Variants in GAS2 observed in about 807,000 individuals in gnomAD.
GAS2 encodes growth arrest specific 2, also known as growth arrest-specific protein 2.
A neutral mutation model predicts 37.5 loss-of-function variants in GAS2; 20 were observed. That is an observed-to-expected ratio of 0.53 (90% CI 0.37 to 0.77). The LOEUF is 0.77. GAS2 is among the 30% of genes least tolerant of loss of function. The probability of loss-of-function intolerance (pLI) is 0.00; values close to 1 mark genes in which losing one functional copy is unlikely to be tolerated. For synonymous variants in GAS2, 144 were observed against 132.2 expected, an observed-to-expected ratio of 1.09 and a Z score of -0.61; for missense variants, 336 against 373.4, an observed-to-expected ratio of 0.90 and a Z score of 0.82.
intron 2 of GAS2, among the ~76,000 whole-genome samples, chr11:22,681,824 TTATATTA>T (rs1268963378): frequency 7.4e-6 from 1 of 135,554 alleles, no homozygotes; most frequent in Non-Finnish European, 1.6e-5. Flanking sequence ...TCAGCTACTT[TTATATTA>T]TATTTTTTTG....
intron 3 of GAS2, among the ~76,000 whole-genome samples, chr11:22,699,158 A>G (rs916395262): frequency 6.6e-6 from 1 of 152,140 alleles, no homozygotes; most frequent in Non-Finnish European, 1.5e-5. Context: ...TATTTTTCTG[A>G]GTCCTGACAA....
chr11:22,797,624 T>C (rs1856492677), intron 7 of GAS2, among the ~76,000 whole-genome samples: 1 of 152,030 alleles, frequency 6.6e-6, no homozygotes, highest in Non-Finnish European at 1.5e-5. Context: ...AACCACTATT[T>C]CTCTATCCAG....
intron 3 of GAS2, among the ~76,000 whole-genome samples, chr11:22,715,460 C>CAAAAAAAAAAAAA: frequency 7.2e-4 from 30 of 41,730 alleles, no homozygotes; most frequent in South Asian, 1.4e-3. Context: ...GACTCTGTCT[C>CAAAAAAAAAAAAA]AAAAAAAAAA....
At chr11:22,734,624 T>C (rs763041975) in intron 4 of GAS2, among the ~76,000 whole-genome samples, 12 of 151,726 alleles carry the variant, frequency 7.9e-5, no homozygotes, top group Non-Finnish European at 1.5e-4. Flanking sequence ...AAAACTATCA[T>C]TGGGCTGTTA....
intron 1 of GAS2, among the ~76,000 whole-genome samples, chr11:22,628,911 T>G (rs1858703999): frequency 6.6e-6 from 1 of 152,192 alleles, no homozygotes; most frequent in Non-Finnish European, 1.5e-5. Flanking sequence ...CTGAGTTACT[T>G]CACTTAGAAT....
At chr11:22,715,890 A>T (rs1182351200) in intron 3 of GAS2, among the ~76,000 whole-genome samples, 1 of 151,946 alleles carries the variant, frequency 6.6e-6, no homozygotes, top group Non-Finnish European at 1.5e-5. Flanking sequence ...GAACATAACA[A>T]AAAAAAAGAA....
intron 7 of GAS2, among the ~76,000 whole-genome samples, chr11:22,789,104 A>G (rs1427942342): frequency 6.6e-6 from 1 of 150,904 alleles, no homozygotes; most frequent in Admixed American, 6.6e-5. Flanking sequence ...ATAATTATAT[A>G]TATAATTATC....
chr11:22,682,892 A>AAAAAAAAAAAAAAAG (rs1849761194), intron 2 of GAS2, among the ~76,000 whole-genome samples: 1 of 60,962 alleles, frequency 1.6e-5, no homozygotes, highest in African/African-American at 9.8e-5. Context: ...AAAAAGGAAA[A>AAAAAAAAAAAAAAAG]AAAAAAAAAA....
intron 4 of GAS2, among the ~76,000 whole-genome samples, chr11:22,727,058 G>T (rs1405806409): frequency 6.6e-6 from 1 of 152,048 alleles, no homozygotes; most frequent in Non-Finnish European, 1.5e-5. Flanking sequence ...TTTAGGCAAA[G>T]TCACTTCCAA....
intron 1 of GAS2, among the ~76,000 whole-genome samples, chr11:22,636,057 G>A (rs868027533): frequency 2.0e-5 from 3 of 152,162 alleles, no homozygotes; most frequent in Admixed American, 6.5e-5. Flanking sequence ...ACCTGGCTTA[G>A]GGTGTAGGTT....
At chr11:22,773,852 T>G (rs1855115333) in intron 7 of GAS2, among the ~76,000 whole-genome samples, 1 of 152,318 alleles carries the variant, frequency 6.6e-6, no homozygotes, top group South Asian at 2.1e-4. Context: ...AACACCATTT[T>G]AAGCATTTAG....
chr11:22,737,198 C>T (rs576436889), intron 4 of GAS2, among the ~76,000 whole-genome samples: 4 of 152,106 alleles, frequency 2.6e-5, no homozygotes, highest in Non-Finnish European at 5.9e-5. Context: ...CTTTGACATT[C>T]ATCTTTGGAG....
At chr11:22,721,278 C>A (rs941662936) in intron 3 of GAS2, among the ~76,000 whole-genome samples, 3 of 152,030 alleles carry the variant, frequency 2.0e-5, no homozygotes, top group Non-Finnish European at 4.4e-5. Flanking sequence ...ATATTTGGCA[C>A]TGTGGCAGTA....
intron 7 of GAS2, among the ~76,000 whole-genome samples, chr11:22,796,953 C>A (rs937171678): frequency 6.6e-6 from 1 of 152,100 alleles, no homozygotes; most frequent in African/African-American, 2.4e-5. Flanking sequence ...ATTCTAATTT[C>A]ACTCTGGTAT....
intron 1 of GAS2, among the ~76,000 whole-genome samples, chr11:22,637,441 T>C (rs1194658844): frequency 1.1e-4 from 4 of 35,706 alleles, no homozygotes; most frequent in Non-Finnish European, 1.7e-4. Context: ...AATAGTATAC[T>C]TAATATAATA....
At chr11:22,665,385 G>T (rs1477201004), upstream of GAS2, among the ~76,000 whole-genome samples, 2 of 151,830 alleles carry the variant, frequency 1.3e-5, no homozygotes, top group East Asian at 3.8e-4. Context: ...TTCTTTGTTG[G>T]GGCTCTAGGA....
chr11:22,652,096 T>C (rs1013476932), intron 1 of GAS2, among the ~76,000 whole-genome samples: 6 of 152,204 alleles, frequency 3.9e-5, no homozygotes, highest in Non-Finnish European at 8.8e-5. Flanking sequence ...GATGGGTTTT[T>C]GGTGTGGATG....
chr11:22,781,179 C>T (rs1222916435), intron 7 of GAS2, among the ~76,000 whole-genome samples: 1 of 152,128 alleles, frequency 6.6e-6, no homozygotes, highest in Non-Finnish European at 1.5e-5. Flanking sequence ...GGACAGCCCA[C>T]ACACACTACA....
At chr11:22,682,308 T>G (rs558259518) in intron 2 of GAS2, among the ~76,000 whole-genome samples, 11 of 152,092 alleles carry the variant, frequency 7.2e-5, no homozygotes, top group Non-Finnish European at 1.3e-4. Context: ...TTTTTCTTTT[T>G]ATGATTTATG....
Sources: allele counts gnomAD v4.1 joint callset (sites outside exome capture counted in the v4.1 genomes callset), GRCh38; gene constraint gnomAD v4.1.1; transcripts MANE v1.5; gene names NCBI Gene and HGNC (gene_info 2026-07-23, HGNC 2026-07-21).